NAV2: variants seen among roughly 807,000 people sequenced by gnomAD.
NAV2 encodes neuron navigator 2, also known as helicase, APC down-regulated 1.
NAV2 carries 54 observed loss-of-function variants against 223.2 expected under a neutral mutation model. That is an observed-to-expected ratio of 0.24 (90% CI 0.19 to 0.30). NAV2 has a LOEUF of 0.30. Ranked by LOEUF, NAV2 falls within the 10% of genes least tolerant of loss-of-function variation. NAV2 has a pLI of 1.00. For synonymous variants in NAV2, 1,279 were observed against 1,239.3 expected (o/e 1.03, Z -0.67); for missense variants, 2,806 against 3,147.5 (o/e 0.89, Z 2.60).
chr11:19,637,798 C>A (rs2047547690), intron 1 of NAV2, among the ~76,000 whole-genome samples: 1 of 152,236 alleles, frequency 6.6e-6, no homozygotes, highest in Non-Finnish European at 1.5e-5. Context: ...TCCCACTGGG[C>A]CCCACCCCCA....
chr11:20,063,242 A>G (rs1471368031), intron 20 of NAV2, among the ~76,000 whole-genome samples: 1 of 152,252 alleles, frequency 6.6e-6, no homozygotes, highest in Non-Finnish European at 1.5e-5. Flanking sequence ...GCTCAGAGCA[A>G]GCACTCCTAA....
At chr11:19,783,888 A>C (rs2056924005) in intron 1 of NAV2, among the ~76,000 whole-genome samples, 1 of 152,238 alleles carries the variant, frequency 6.6e-6, no homozygotes, top group South Asian at 2.1e-4. Context: ...TAATTCATCC[A>C]ACACATTTAT....
intron 1 of NAV2, among the ~76,000 whole-genome samples, chr11:19,402,547 T>C (rs1159104903): frequency 1.3e-5 from 2 of 152,258 alleles, no homozygotes; most frequent in Non-Finnish European, 2.9e-5. Flanking sequence ...TATATAGCTT[T>C]TGAAATTTTT....
intron 1 of NAV2, among the ~76,000 whole-genome samples, chr11:19,645,233 C>T (rs77773356): frequency 3.9e-5 from 6 of 152,212 alleles, no homozygotes; most frequent in East Asian, 3.9e-4. Context: ...CCTCCATCTT[C>T]GAGGCCAGCA....
At chr11:19,375,695 G>A (rs1200944623) in intron 1 of NAV2, among the ~76,000 whole-genome samples, 1 of 152,104 alleles carries the variant, frequency 6.6e-6, no homozygotes, top group Non-Finnish European at 1.5e-5. Flanking sequence ...GTTTTCACTT[G>A]TGCAGGTGTT....
intron 3 of NAV2, among the ~76,000 whole-genome samples, chr11:19,866,219 G>C (rs1487265853): frequency 6.6e-6 from 1 of 152,236 alleles, no homozygotes; most frequent in Non-Finnish European, 1.5e-5. Flanking sequence ...GGACTGGACA[G>C]TTCTTTGTTG....
chr11:19,463,750 G>A (rs534042961), intron 1 of NAV2, among the ~76,000 whole-genome samples: 1 of 152,302 alleles, frequency 6.6e-6, no homozygotes, highest in East Asian at 1.9e-4. Context: ...ATCCAGGCAG[G>A]GAATACAAGG....
chr11:20,005,238 C>CAA (rs1555188787), intron 11 of NAV2, among the ~76,000 whole-genome samples: 8 of 80,926 alleles, frequency 9.9e-5, no homozygotes, highest in African/African-American at 2.4e-4. Context: ...GAGTTTTAAT[C>CAA]ATATATATAT....
At chr11:19,589,593 G>A (rs2045998892) in intron 1 of NAV2, among the ~76,000 whole-genome samples, 1 of 152,192 alleles carries the variant, frequency 6.6e-6, no homozygotes, top group African/African-American at 2.4e-5. Context: ...ACAATAGCAA[G>A]AGCATGTGTA....
Position 19,356,893 on chromosome 11 carries a change from C to T in NAV2, c.75+5866C>T, listed in dbSNP as rs113753072. Among the ~76,000 whole-genome samples, 439 of 152,232 alleles carry T rather than the reference C, an allele frequency of 2.9e-3. 6 individuals are homozygous for T. The highest frequency in any genetic ancestry group is 1.0e-2 in the African/African-American group (415 of 41,538). On this transcript the variant is annotated intron_variant, in intron 1 of 37. Coordinates refer to the NAV2 transcript ENST00000360655. Reference sequence around the variant, plus strand: ...TTTTCTGGACCTGATTTTAATGATGCTGGAAAAGTTGGGTTATTTTTGGTC... The same window carrying T: ...TTTTCTGGACCTGATTTTAATGATGTTGGAAAAGTTGGGTTATTTTTGGTC...
intron 1 of NAV2, chr11:19,504,753 G>A (rs2043069406): frequency 6.6e-6 from 1 of 152,202 alleles, no homozygotes; most frequent in Non-Finnish European, 1.5e-5. Context: ...AGCAAAGCCT[G>A]CCTTTAGAGA....
intron 11 of NAV2, among the ~76,000 whole-genome samples, chr11:20,005,253 A>ATATATATTTTTTTT (rs1277010848): frequency 3.7e-5 from 5 of 134,554 alleles, no homozygotes; most frequent in Non-Finnish European, 7.9e-5. Flanking sequence ...ATATATATAT[A>ATATATATTTTTTTT]TTTTTTTTTT....
At chr11:19,436,691 C>T (rs1851228982) in intron 1 of NAV2, among the ~76,000 whole-genome samples, 1 of 151,992 alleles carries the variant, frequency 6.6e-6, no homozygotes, top group South Asian at 2.1e-4. Flanking sequence ...TTTAACAATA[C>T]TAATTGTTCT....
At chr11:19,437,093 T>C (rs1481865861) in intron 1 of NAV2, among the ~76,000 whole-genome samples, 4 of 152,258 alleles carry the variant, frequency 2.6e-5, no homozygotes, top group South Asian at 4.1e-4. Flanking sequence ...ATTACTAAAA[T>C]GAGGTAGGCA....
intron 10 of NAV2, among the ~76,000 whole-genome samples, chr11:19,963,814 C>T (rs1184483457): frequency 1.3e-5 from 2 of 152,112 alleles, no homozygotes; most frequent in African/African-American, 4.8e-5. Flanking sequence ...AAATGAAAAC[C>T]GATGAGGTGC....
chr11:19,517,766 T>G (rs1191594703), intron 1 of NAV2, among the ~76,000 whole-genome samples: 5 of 152,226 alleles, frequency 3.3e-5, no homozygotes, highest in East Asian at 1.9e-4. Flanking sequence ...TAAGACCCTT[T>G]GCAGGTAAGA....
intron 5 of NAV2, among the ~76,000 whole-genome samples, chr11:19,888,712 C>G (rs1374641117): frequency 6.6e-6 from 1 of 152,106 alleles, no homozygotes; most frequent in Non-Finnish European, 1.5e-5. Context: ...ACTCTGTCCC[C>G]CGAGTCCCAG....
chr11:19,790,526 G>C (rs1244978377), intron 1 of NAV2, among the ~76,000 whole-genome samples: 1 of 152,172 alleles, frequency 6.6e-6, no homozygotes, highest in African/African-American at 2.4e-5. Context: ...CACAGCATAA[G>C]GGCTGTGTAA....
At chr11:19,482,497 A>G (rs2042310924) in intron 1 of NAV2, among the ~76,000 whole-genome samples, 1 of 152,238 alleles carries the variant, frequency 6.6e-6, no homozygotes, top group Non-Finnish European at 1.5e-5. Context: ...GGCTGACTCA[A>G]TGCTTGAAGA....
Sources: gnomAD v4.1 joint callset for allele counts (sites outside exome capture counted in the v4.1 genomes callset) on GRCh38, gnomAD v4.1.1 for gene constraint, MANE v1.5 for transcripts, NCBI Gene and HGNC (gene_info 2026-07-23, HGNC 2026-07-21) for gene names.